PDE10A: variants seen among roughly 807,000 people sequenced by gnomAD.
PDE10A encodes phosphodiesterase 10A.
In PDE10A, 39 loss-of-function variants were observed where a neutral mutation model predicts 97.7. That is an observed-to-expected ratio of 0.40 (90% CI 0.31 to 0.52). PDE10A has a LOEUF of 0.52. Ranked by LOEUF, PDE10A falls within the 20% of genes least tolerant of loss-of-function variation. The pLI is 0.56. For synonymous variants in PDE10A, 371 were observed against 376.8 expected (o/e 0.98, Z 0.18); for missense variants, 731 against 1,047.8 (o/e 0.70, Z 4.17).
intron 1 of PDE10A, among the ~76,000 whole-genome samples, chr6:165,938,776 A>G (rs1783421342): frequency 6.6e-6 from 1 of 152,300 alleles, no homozygotes; most frequent in East Asian, 1.9e-4. Context: ...ACACACACAC[A>G]CACGCACTAC....
chr6:165,433,397 G>A (rs1423226717), intron 6 of PDE10A, among the ~76,000 whole-genome samples: 2 of 151,448 alleles, frequency 1.3e-5, no homozygotes, highest in Non-Finnish European at 2.9e-5. Flanking sequence ...AATTTCATAT[G>A]ACAATAAAAA....
At position 165,642,359 on chromosome 6, in the gene PDE10A, G is replaced by A. The variant is rs12199716; in HGVS notation, c.865+19588C>T. Among the ~76,000 whole-genome samples, 1,346 of 152,352 alleles carry A rather than the reference G, an allele frequency of 8.8e-3. 8 individuals are homozygous for A. Among genetic ancestry groups the A allele is most frequent in the Non-Finnish European group, 0.014 (939 of 68,030 alleles). On this transcript the variant is annotated intron_variant, in intron 1 of 21. Transcript: ENST00000539869. ...GAGGCACAGGCTCCCTGAGGTCATG[G>A]ACGTCCATCTGTGCACCACCCTATC...
rs183829890 is a variant in PDE10A, at chr6:165,481,572, T to C, written c.1023+743A>G. 3.3e-3 allele frequency among the ~76,000 whole-genome samples: 502 copies of C among 152,354 alleles called. 3 individuals carry two copies. The highest frequency in any genetic ancestry group is 0.012 in the African/African-American group (491 of 41,590). On this transcript the variant is annotated intron_variant, in intron 3 of 21. Coordinates refer to ENST00000539869, the MANE Select transcript of PDE10A (RefSeq NM_001385079.1). ...AGGTTGCATTAAGTTCCATTCAAAC[T>C]GATTATTTTCAATATTTCATCCACA...
intron 21 of PDE10A, among the ~76,000 whole-genome samples, chr6:165,334,556 A>G (rs919905125): frequency 7.2e-5 from 11 of 152,250 alleles, no homozygotes; most frequent in African/African-American, 1.4e-4. Context: ...TGGACAGGAA[A>G]GGACTTTTGA....
At chr6:165,955,452 G>A (rs1017504276) in intron 1 of PDE10A, among the ~76,000 whole-genome samples, 2 of 152,054 alleles carry the variant, frequency 1.3e-5, no homozygotes, top group Admixed American at 1.3e-4. Context: ...ACACACCTTT[G>A]CCACCTCCGC....
rs193054026 is a variant in PDE10A at position 165,544,461 on chromosome 6, C to G, written c.866-893G>C. 1.4e-4 allele frequency among the ~76,000 whole-genome samples: 21 copies of G among 151,870 alleles called. 1 individual carries two copies. The highest frequency in any genetic ancestry group is 4.8e-4 in the African/African-American group (20 of 41,430). Reference sequence around the variant, plus strand: ...TGGTATGCCATTTCATTAAACAACCCCAAACACAAACAGGCTTTGAATAAT... The same window carrying G: ...TGGTATGCCATTTCATTAAACAACCGCAAACACAAACAGGCTTTGAATAAT... On this transcript the variant is annotated intron_variant, in intron 1 of 21. Coordinates refer to ENST00000539869, the MANE Select transcript of PDE10A (RefSeq NM_001385079.1).
At chr6:165,641,581 A>T (rs1250540600) in intron 1 of PDE10A, among the ~76,000 whole-genome samples, 3 of 152,242 alleles carry the variant, frequency 2.0e-5, no homozygotes, top group African/African-American at 7.2e-5. Context: ...GATAACCCAC[A>T]GTCAGAGCGG....
intron 1 of PDE10A, among the ~76,000 whole-genome samples, chr6:165,929,986 G>A (rs1317691186): frequency 6.1e-5 from 9 of 147,300 alleles, no homozygotes; most frequent in African/African-American, 1.8e-4. Context: ...GCGTGAAGGC[G>A]GCAGGTGGGA....
chr6:165,695,873 A>G (rs1407790098), intron 1 of PDE10A, among the ~76,000 whole-genome samples: 1 of 152,200 alleles, frequency 6.6e-6, no homozygotes, highest in Non-Finnish European at 1.5e-5. Context: ...TGTTCCTTCC[A>G]AGGAGCCAGA....
At chr6:165,631,970 G>T (rs966811445) in intron 1 of PDE10A, among the ~76,000 whole-genome samples, 1 of 152,108 alleles carries the variant, frequency 6.6e-6, no homozygotes, top group African/African-American at 2.4e-5. Context: ...GGAGGCCAAG[G>T]TGGGTGGATC....
intron 3 of PDE10A, among the ~76,000 whole-genome samples, chr6:165,460,893 T>C (rs543530741): frequency 6.6e-6 from 1 of 152,258 alleles, no homozygotes; most frequent in South Asian, 2.1e-4. Flanking sequence ...AAAAAACCGC[T>C]TCAAGTGGAA....
In PDE10A at chr6:165,433,563, G is replaced by A. The variant is rs76099300; in HGVS notation, c.1336-434C>T. ...AACTTTTTTTCTATTTTTAAGCCTA[G>A]AGTAACACAAAAGTGTACGTTAATA... is the stretch of plus-strand genomic sequence containing the variant. On this transcript the variant is annotated intron_variant, in intron 6 of 21. Coordinates refer to ENST00000539869, the MANE Select transcript of PDE10A (RefSeq NM_001385079.1). Among the ~76,000 whole-genome samples, 124 of 152,146 alleles carry A rather than the reference G, an allele frequency of 8.2e-4. No individual in the cohort carries two copies. In the East Asian group the frequency reaches 0.02, roughly 24 times the overall value.
intron 1 of PDE10A, among the ~76,000 whole-genome samples, chr6:165,737,191 C>T (rs1792596683): frequency 6.6e-6 from 1 of 152,180 alleles, no homozygotes; most frequent in Non-Finnish European, 1.5e-5. Context: ...CTCATGGCTT[C>T]ATGGTAGAGT....
At chr6:165,473,497 G>A (rs906572998) in intron 3 of PDE10A, among the ~76,000 whole-genome samples, 1 of 152,092 alleles carries the variant, frequency 6.6e-6, no homozygotes, top group African/African-American at 2.4e-5. Flanking sequence ...GAGAGTCCAT[G>A]GAAAGACATT....
intron 1 of PDE10A, among the ~76,000 whole-genome samples, chr6:165,694,612 C>T (rs1791396497): frequency 6.6e-6 from 1 of 152,270 alleles, no homozygotes; most frequent in Non-Finnish European, 1.5e-5. Flanking sequence ...GAGCTGCTTA[C>T]CACAGTGGAC....
chr6:165,612,599 A>G (rs1013945947), intron 1 of PDE10A, among the ~76,000 whole-genome samples: 1 of 152,092 alleles, frequency 6.6e-6, no homozygotes, highest in African/African-American at 2.4e-5. Context: ...CAGAAGCCTG[A>G]CCTCAGGTGA....
At chr6:165,931,835 G>A (rs1418373239) in intron 1 of PDE10A, among the ~76,000 whole-genome samples, 4 of 152,094 alleles carry the variant, frequency 2.6e-5, no homozygotes. Flanking sequence ...AGTGTGTGGC[G>A]CCCTCCTGCT....
intron 1 of PDE10A, among the ~76,000 whole-genome samples, chr6:165,982,006 C>T (rs1372318491): frequency 2.6e-5 from 4 of 152,158 alleles, no homozygotes; most frequent in Admixed American, 6.5e-5. Context: ...AAAATTGATG[C>T]TATTTCCCAT....
intron 1 of PDE10A, among the ~76,000 whole-genome samples, chr6:165,918,209 T>C (rs1315703863): frequency 1.3e-5 from 2 of 152,200 alleles, no homozygotes; most frequent in Non-Finnish European, 2.9e-5. Flanking sequence ...AGACTTTATT[T>C]TTTAAGAGCC....
Sources: gnomAD v4.1 joint callset for allele counts (sites outside exome capture counted in the v4.1 genomes callset) on GRCh38, gnomAD v4.1.1 for gene constraint, MANE v1.5 for transcripts, NCBI Gene and HGNC (gene_info 2026-07-23, HGNC 2026-07-21) for gene names.